The following TMEM154 variants were observed in gnomAD, a reference collection of about 807,000 sequenced individuals.
TMEM154 encodes transmembrane protein 154.
TMEM154 carries 27 observed loss-of-function variants against 24.5 expected under a neutral mutation model. That is an observed-to-expected ratio of 1.10 (90% CI 0.81 to 1.52). The LOEUF is 1.52. Among genes scored for constraint, TMEM154 ranks in the 40% most tolerant of loss-of-function variants. TMEM154 has a pLI of 0.00. For missense variants in TMEM154, 228 were observed against 213.4 expected (o/e 1.07, Z -0.43); for synonymous variants, 67 against 76.8 (o/e 0.87, Z 0.67).
chr4:152,626,462 T>C lies in TMEM154; in HGVS notation c.*2084A>G, dbSNP rs548355694. The C allele has an allele frequency of 6.6e-6, 1 of 152,260 alleles. No individual in the cohort carries two copies. The highest frequency in any genetic ancestry group is 2.4e-5 in the African/African-American group (1 of 41,474). The allele number at this position is 152,260 out of a possible 1,614,324, so 9.4% of individuals were successfully genotyped here. A position where few individuals can be genotyped will look rare whatever the true frequency, so the allele number is the denominator to read the frequency against. On this transcript the variant is annotated 3_prime_UTR_variant, in exon 7 of 7. Coordinates refer to ENST00000304385, the MANE Select transcript of TMEM154 (RefSeq NM_152680.3). ...AGGCTTGGCTGTTCTGGCTGTATACTAACTTCATATACCCTGACAGAATAA... is the reference window on the plus strand; with the variant it reads ...AGGCTTGGCTGTTCTGGCTGTATACCAACTTCATATACCCTGACAGAATAA...
chr4:152,656,309 A>T (rs1728490884), intron 1 of TMEM154, among the ~76,000 whole-genome samples: 1 of 152,104 alleles, frequency 6.6e-6, no homozygotes, highest in Non-Finnish European at 1.5e-5. Context: ...GCCTGGACAC[A>T]CTAACACCAG....
chr4:152,667,656 C>G (rs1728746408), intron 1 of TMEM154, among the ~76,000 whole-genome samples: 2 of 152,168 alleles, frequency 1.3e-5, no homozygotes, highest in Non-Finnish European at 2.9e-5. Flanking sequence ...GGTGGTTGAA[C>G]AGATACAAGG....
intron 1 of TMEM154, among the ~76,000 whole-genome samples, chr4:152,677,220 G>A (rs1728968610): frequency 6.6e-6 from 1 of 152,158 alleles, no homozygotes; most frequent in African/African-American, 2.4e-5. Flanking sequence ...TTCTCTTGGG[G>A]TAGAACTCAA....
At chr4:152,665,927 A>G (rs1000399071) in intron 1 of TMEM154, among the ~76,000 whole-genome samples, 2 of 151,764 alleles carry the variant, frequency 1.3e-5, no homozygotes, top group Non-Finnish European at 2.9e-5. Flanking sequence ...AGGTGGGACT[A>G]CAGACGTGCG....
At chr4:152,649,304 C>T (rs967838141) in intron 3 of TMEM154, among the ~76,000 whole-genome samples, 6 of 152,170 alleles carry the variant, frequency 3.9e-5, no homozygotes, top group African/African-American at 1.2e-4. Flanking sequence ...AAATCGAATC[C>T]GAGCGAGTTT....
At chr4:152,653,718 C>T (rs1728436716) in intron 1 of TMEM154, among the ~76,000 whole-genome samples, 1 of 151,926 alleles carries the variant, frequency 6.6e-6, no homozygotes, top group African/African-American at 2.4e-5. Context: ...AAAAGGTTAC[C>T]TATCAATGGA....
At chr4:152,664,364 G>A (rs1728674363) in intron 1 of TMEM154, among the ~76,000 whole-genome samples, 1 of 144,458 alleles carries the variant, frequency 6.9e-6, no homozygotes, top group African/African-American at 2.7e-5. Flanking sequence ...ACACACACTG[G>A]GGCCTGTCGT....
chr4:152,671,156 T>C (rs1414950620), intron 1 of TMEM154, among the ~76,000 whole-genome samples: 2 of 151,260 alleles, frequency 1.3e-5, no homozygotes, highest in South Asian at 2.1e-4. Flanking sequence ...GGGCACAGCA[T>C]ACAGAAAGAC....
intron 3 of TMEM154, among the ~76,000 whole-genome samples, chr4:152,644,865 T>C (rs1166769146): frequency 6.6e-6 from 1 of 152,198 alleles, no homozygotes; most frequent in Non-Finnish European, 1.5e-5. Context: ...TGTGACACTG[T>C]GCCTCACTCC....
At chr4:152,661,647 G>A (rs1402356862) in intron 1 of TMEM154, among the ~76,000 whole-genome samples, 1 of 152,194 alleles carries the variant, frequency 6.6e-6, no homozygotes, top group Non-Finnish European at 1.5e-5. Flanking sequence ...ATAGAATTTG[G>A]ACAAATTACT....
At chr4:152,653,039 T>G (rs778547332) in intron 1 of TMEM154, 112 bp from the exon 2 acceptor site, 140 of 1,152,940 alleles carry the variant, frequency 1.2e-4, no homozygotes, top group Non-Finnish European at 1.5e-4. Context: ...TTTGACCCAC[T>G]ATACTTGGCC....
intron 1 of TMEM154, among the ~76,000 whole-genome samples, chr4:152,674,120 G>C (rs1028004354): frequency 6.6e-6 from 1 of 151,936 alleles, no homozygotes; most frequent in African/African-American, 2.4e-5. Context: ...AAGAAAGCAA[G>C]AAAATACCTA....
intron 1 of TMEM154, among the ~76,000 whole-genome samples, chr4:152,672,563 C>A (rs763987424): frequency 1.8e-4 from 28 of 152,134 alleles, no homozygotes; most frequent in Non-Finnish European, 3.4e-4. Flanking sequence ...GAAATCTGTA[C>A]CTGACACAGT....
At chr4:152,652,067 T>A (rs913510417) in intron 3 of TMEM154, among the ~76,000 whole-genome samples, 1 of 152,176 alleles carries the variant, frequency 6.6e-6, no homozygotes, top group Non-Finnish European at 1.5e-5. Flanking sequence ...GAGCATGGTT[T>A]CAGGCACTCC....
chr4:152,654,444 G>T lies in TMEM154; in HGVS notation c.65-1517C>A, dbSNP rs920565663. On this transcript the variant is annotated intron_variant, in intron 1 of 6. Coordinates refer to ENST00000304385, the MANE Select transcript of TMEM154 (RefSeq NM_152680.3). ...TCTATCTTCATAATCCCATGACAAT[G>T]GAGTCCTCTGATTTTGGTTGAAACA... Among the ~76,000 whole-genome samples, 4 of 152,170 alleles carry T rather than the reference G, an allele frequency of 2.6e-5. No homozygotes were observed. The East Asian group carries it at 7.7e-4, about 29-fold the overall frequency.
chr4:152,628,855 C>T (rs1751976992), intron 6 of TMEM154, among the ~76,000 whole-genome samples: 1 of 151,082 alleles, frequency 6.6e-6, no homozygotes, highest in Admixed American at 6.6e-5. Context: ...CCATGTTAGC[C>T]AGGATGGTCT....
chr4:152,650,522 C>T (rs1316942611), intron 3 of TMEM154, among the ~76,000 whole-genome samples: 1 of 152,160 alleles, frequency 6.6e-6, no homozygotes, highest in Non-Finnish European at 1.5e-5. Flanking sequence ...TGCAGTGACC[C>T]CTCCACTCAA....
At chr4:152,671,250 C>T (rs1728830684) in intron 1 of TMEM154, among the ~76,000 whole-genome samples, 1 of 151,936 alleles carries the variant, frequency 6.6e-6, no homozygotes, top group South Asian at 2.1e-4. Flanking sequence ...AAATGTAAAG[C>T]AGGAAAGGAA....
rs747613909 is a variant in TMEM154 at position 152,628,565 on chromosome 4, TAAAAA to T, written c.537-9_537-5del. ...TCAGGTTTAGGATTCACTGTCACTGTAAAAAAAAAAAAAAAAAAAAAAAAAAACAA... is the reference window on the plus strand; with the variant it reads ...TCAGGTTTAGGATTCACTGTCACTGTAAAAAAAAAAAAAAAAAAAAAACAA... On this transcript the variant is annotated splice_region_variant and splice_polypyrimidine_tract_variant and intron_variant, in intron 6 of 6. Coordinates refer to ENST00000304385, the MANE Select transcript of TMEM154 (RefSeq NM_152680.3). The T allele has an allele frequency of 9.6e-5, 50 of 518,436 alleles. No homozygotes were observed. Among genetic ancestry groups the T allele is most frequent in the African/African-American group, 1.7e-4 (2 of 11,552 alleles). The allele number at this position is 518,436 out of a possible 1,614,324, so 32.1% of individuals were successfully genotyped here.
Sources: gnomAD v4.1 joint callset for allele counts (sites outside exome capture counted in the v4.1 genomes callset) on GRCh38, gnomAD v4.1.1 for gene constraint, MANE v1.5 for transcripts, NCBI Gene and HGNC (gene_info 2026-07-23, HGNC 2026-07-21) for gene names.